The following CPA6 variants were observed in gnomAD, a reference collection of about 807,000 sequenced individuals.
CPA6 encodes the protein carboxypeptidase B.
In CPA6, 58 loss-of-function variants were observed where a neutral mutation model predicts 63.3. The observed-to-expected ratio is 0.92, with a 90% CI of 0.74 to 1.14. The LOEUF is 1.14. Ranked by LOEUF, CPA6 falls within the 50% of genes most tolerant of loss-of-function variation. CPA6 has a pLI of 0.00. For synonymous variants in CPA6, 185 were observed against 179.0 expected, an observed-to-expected ratio of 1.03 and a Z score of -0.27; for missense variants, 565 against 526.6, an observed-to-expected ratio of 1.07 and a Z score of -0.71.
At chr8:67,691,359 C>T (rs577384370) in intron 1 of CPA6, among the ~76,000 whole-genome samples, 45 of 152,298 alleles carry the variant, frequency 3.0e-4, no homozygotes, top group African/African-American at 1.1e-3. Flanking sequence ...TTTAGGTGGC[C>T]ATCAGTGACC....
At chr8:67,520,841 C>T (rs146024834) in intron 2 of CPA6, among the ~76,000 whole-genome samples, 3 of 152,264 alleles carry the variant, frequency 2.0e-5, no homozygotes, top group African/African-American at 7.2e-5. Flanking sequence ...CGAGAATATG[C>T]CAGAAAAATA....
intron 2 of CPA6, among the ~76,000 whole-genome samples, chr8:67,613,447 T>C (rs1044918302): frequency 3.3e-5 from 5 of 152,222 alleles, no homozygotes; most frequent in Non-Finnish European, 7.3e-5. Flanking sequence ...TGGTAAGTCA[T>C]CCTTCTCTCA....
chr8:67,607,523 C>T (rs1240728926), intron 2 of CPA6, among the ~76,000 whole-genome samples: 3 of 151,796 alleles, frequency 2.0e-5, no homozygotes, highest in Non-Finnish European at 2.9e-5. Flanking sequence ...TCCTTTCAGA[C>T]CCCAGATTCC....
At position 67,428,092 on chromosome 8, in the gene CPA6, C is replaced by T; in HGVS notation, c.1081G>A (p.Val361Ile). ...CCATATCTGTATCGTACCCCGTATA[C>T]TGACTGAAGTGCATTCACAGCTTTA... is the stretch of plus-strand genomic sequence containing the variant. ...AYKAVNALQSVYGVRYRYGPA... is the reference protein window; with the variant it reads ...AYKAVNALQSIYGVRYRYGPA... The change falls in exon 10 of 11, where the codon GTA becomes ATA. Residue 361 changes from valine (V) to isoleucine (I), a missense_variant. Transcript: ENST00000297770. 6.2e-7 allele frequency: 1 copy of T among 1,613,366 alleles called. No individual in the cohort carries two copies. The highest frequency in any genetic ancestry group is 8.5e-7 in the Non-Finnish European group (1 of 1,179,450).
chr8:67,522,197 C>T (rs992620946), intron 2 of CPA6, among the ~76,000 whole-genome samples: 4 of 152,070 alleles, frequency 2.6e-5, no homozygotes, highest in African/African-American at 9.7e-5. Context: ...ATGGACCAAT[C>T]AGCATAATTG....
At chr8:67,713,463 A>T (rs933268136) in intron 1 of CPA6, among the ~76,000 whole-genome samples, 1 of 152,126 alleles carries the variant, frequency 6.6e-6, no homozygotes, top group South Asian at 2.1e-4. Flanking sequence ...TTCGGGTTTT[A>T]CCATTGGCCC....
At chr8:67,650,769 A>G (rs1815818533) in intron 1 of CPA6, among the ~76,000 whole-genome samples, 1 of 152,150 alleles carries the variant, frequency 6.6e-6, no homozygotes, top group Admixed American at 6.5e-5. Flanking sequence ...TCCCACACGC[A>G]CTTGCCTATA....
chr8:67,639,224 T>A (rs1244975640), intron 1 of CPA6, among the ~76,000 whole-genome samples: 1 of 151,572 alleles, frequency 6.6e-6, no homozygotes, highest in Non-Finnish European at 1.5e-5. Context: ...GTTATGGGAT[T>A]CTTGGGGTGT....
chr8:67,658,175 T>A (rs1317019463), intron 1 of CPA6, among the ~76,000 whole-genome samples: 1 of 152,226 alleles, frequency 6.6e-6, no homozygotes, highest in African/African-American at 2.4e-5. Context: ...AGAATTTTTT[T>A]AAAGGCTTCT....
intron 8 of CPA6, chr8:67,452,361 C>T (rs760430136): frequency 2.6e-5 from 4 of 152,176 alleles, no homozygotes; most frequent in Non-Finnish European, 5.9e-5. Context: ...CACACTGTTC[C>T]CTCAAACTTT....
chr8:67,428,188 C>T, intron 9 of CPA6, 57 bp from the exon 10 acceptor site: 3 of 981,306 alleles, frequency 3.1e-6, no homozygotes, highest in Admixed American at 3.7e-5. Flanking sequence ...TTTAGATACA[C>T]TGCTATGTTG....
chr8:67,745,929 C>A, intron 1 of CPA6, 85 bp downstream of exon 1: 1 of 883,330 alleles, frequency 1.1e-6, no homozygotes, highest in Non-Finnish European at 1.7e-6. Flanking sequence ...ACCCCCAAAT[C>A]AGAAAAAGTG....
Position 67,506,830 on chromosome 8 carries a change from C to T in CPA6, c.593G>A (p.Arg198Lys). 6.2e-7 allele frequency: 1 copy of T among 1,613,626 alleles called. No homozygotes were observed. Among genetic ancestry groups the T allele is most frequent in the Non-Finnish European group, 8.5e-7 (1 of 1,179,646 alleles). Residue 198 changes from arginine to lysine, a missense_variant, in exon 6 of 11, where the codon AGA becomes AAA. Coordinates refer to ENST00000297770, the MANE Select transcript of CPA6 (RefSeq NM_020361.5). ...ACAAAAGGCAGGACCAATCCATTCT[C>T]TTGCATGAATACCACAGTCTATCCA... ...AVWIDCGIHA[R>K]EWIGPAFCQW...
At chr8:67,713,097 G>A (rs77921569) in intron 1 of CPA6, among the ~76,000 whole-genome samples, 14,055 of 56,362 alleles carry the variant, frequency 0.25, 1,609 homozygotes, top group Non-Finnish European at 0.33. Context: ...GTGTGTGTGT[G>A]TGTATATATA....
At chr8:67,603,825 T>C (rs750401783) in intron 2 of CPA6, among the ~76,000 whole-genome samples, 3 of 152,254 alleles carry the variant, frequency 2.0e-5, no homozygotes, top group Non-Finnish European at 4.4e-5. Flanking sequence ...AGTTCTGCAA[T>C]AGTTTGGTTT....
chr8:67,506,275 T>C (rs936665756), intron 6 of CPA6, among the ~76,000 whole-genome samples: 2 of 152,224 alleles, frequency 1.3e-5, no homozygotes, highest in Admixed American at 1.3e-4. Flanking sequence ...TAACTGAAAC[T>C]AAGAATGTTA....
At chr8:67,553,976 G>C (rs1813005093) in intron 2 of CPA6, among the ~76,000 whole-genome samples, 1 of 152,122 alleles carries the variant, frequency 6.6e-6, no homozygotes, top group Admixed American at 6.5e-5. Flanking sequence ...ATGTATATGT[G>C]CTTACATGTC....
chr8:67,480,652 G>C (rs1563970074), intron 8 of CPA6, among the ~76,000 whole-genome samples: 1 of 151,656 alleles, frequency 6.6e-6, no homozygotes, highest in Non-Finnish European at 1.5e-5. Flanking sequence ...GTCATTATGG[G>C]AATAAATGTT....
chr8:67,514,189 C>T (rs927214260), intron 3 of CPA6, among the ~76,000 whole-genome samples: 3 of 152,184 alleles, frequency 2.0e-5, no homozygotes, highest in Admixed American at 2.0e-4. Context: ...AACTTCTGAC[C>T]TTAGCTAATC....
Sources: allele counts gnomAD v4.1 joint callset (sites outside exome capture counted in the v4.1 genomes callset), GRCh38; gene constraint gnomAD v4.1.1; transcripts MANE v1.5; gene names NCBI Gene and HGNC (gene_info 2026-07-23, HGNC 2026-07-21).